Variants in POFUT3 observed in about 807,000 individuals in gnomAD.
POFUT3 encodes the protein protein O-fucosyltransferase 3.
chr8:33,315,722 G>C, the POFUT3 span, among the ~76,000 whole-genome samples: 4 of 152,088 alleles, frequency 2.6e-5, no homozygotes, highest in Non-Finnish European at 5.9e-5. Flanking sequence ...CATGCTCTGA[G>C]ATTCTATGAG....
chr8:33,435,518 CT>C, the POFUT3 span, among the ~76,000 whole-genome samples: 6 of 145,396 alleles, frequency 4.1e-5, no homozygotes, highest in Non-Finnish European at 9.1e-5. Context: ...GCCCAGGCAA[CT>C]TTTTTTTCTT....
At chr8:33,430,260 A>C in the POFUT3 span, among the ~76,000 whole-genome samples, 1 of 152,176 alleles carries the variant, frequency 6.6e-6, no homozygotes, top group Non-Finnish European at 1.5e-5. Context: ...TGGTTGCCCC[A>C]AAAATCAAAA....
chr8:33,329,566 A>G, the POFUT3 span, among the ~76,000 whole-genome samples: 1 of 152,250 alleles, frequency 6.6e-6, no homozygotes, highest in African/African-American at 2.4e-5. Flanking sequence ...AGGGAAAGTT[A>G]GACTGATTTC....
chr8:33,333,695 GA>G, the POFUT3 span, among the ~76,000 whole-genome samples: 1 of 152,102 alleles, frequency 6.6e-6, no homozygotes, highest in Non-Finnish European at 1.5e-5. Context: ...GGAGGAGAGG[GA>G]TGCCAAGAAG....
the POFUT3 span, among the ~76,000 whole-genome samples, chr8:33,308,272 C>A: frequency 6.6e-6 from 1 of 152,022 alleles, no homozygotes; most frequent in African/African-American, 2.4e-5. Flanking sequence ...AGCTACCAAG[C>A]CAACAAAGGA....
the POFUT3 span, among the ~76,000 whole-genome samples, chr8:33,362,055 C>T: frequency 2.0e-5 from 3 of 152,296 alleles, no homozygotes; most frequent in South Asian, 4.1e-4. Flanking sequence ...GCCCATCAGA[C>T]TAACAGCAGA....
chr8:33,379,963 TAC>T, the POFUT3 span, among the ~76,000 whole-genome samples: 1 of 107,318 alleles, frequency 9.3e-6, no homozygotes, highest in African/African-American at 4.0e-5. Context: ...ATACTATATA[TAC>T]ACTATATATA....
chr8:33,419,541 G>A, the POFUT3 span, among the ~76,000 whole-genome samples: 17 of 152,296 alleles, frequency 1.1e-4, no homozygotes, highest in Non-Finnish European at 2.4e-4. Context: ...CCCGCCACTC[G>A]CCTCCTGCTG....
the POFUT3 span, among the ~76,000 whole-genome samples, chr8:33,331,199 G>A: frequency 2.2e-4 from 17 of 78,956 alleles, no homozygotes; most frequent in Non-Finnish European, 3.9e-4. Context: ...AAAATTAACC[G>A]GGCGCGCGCC....
the POFUT3 span, among the ~76,000 whole-genome samples, chr8:33,400,154 TG>T: frequency 2.2e-5 from 2 of 89,528 alleles, no homozygotes; most frequent in African/African-American, 4.1e-5. Context: ...AAAAAGATGG[TG>T]GGGGGGTGGG....
At chr8:33,360,894 G>C in the POFUT3 span, 1 of 152,184 alleles carries the variant, frequency 6.6e-6, no homozygotes, top group African/African-American at 2.4e-5. Context: ...AGTGATGGAA[G>C]TGGTTCATCA....
chr8:33,431,723 T>C, the POFUT3 span, among the ~76,000 whole-genome samples: 3 of 152,112 alleles, frequency 2.0e-5, no homozygotes, highest in Non-Finnish European at 4.4e-5. Flanking sequence ...TGATTATATA[T>C]TCCCAAAGGC....
At chr8:33,392,066 T>C in the POFUT3 span, among the ~76,000 whole-genome samples, 1 of 152,110 alleles carries the variant, frequency 6.6e-6, no homozygotes, top group Admixed American at 6.6e-5. Context: ...TAGTGGGAGA[T>C]GCTTATTAAT....
At chr8:33,462,780 A>G in the POFUT3 span, among the ~76,000 whole-genome samples, 1 of 152,034 alleles carries the variant, frequency 6.6e-6, no homozygotes. Flanking sequence ...AAATTTTACA[A>G]ATTAGCTGGG....
At chr8:33,324,769 G>A in the POFUT3 span, among the ~76,000 whole-genome samples, 7 of 143,352 alleles carry the variant, frequency 4.9e-5, no homozygotes, top group South Asian at 2.2e-4. Context: ...CAGCACCATC[G>A]CCTATGTAAT....
the POFUT3 span, among the ~76,000 whole-genome samples, chr8:33,370,169 TAAAAAAAAAAAAAAAAAAA>T: frequency 4.8e-4 from 19 of 39,896 alleles, no homozygotes; most frequent in East Asian, 1.9e-3. Flanking sequence ...CCATCTTTAC[TAAAAAAAAAAAAAAAAAAA>T]AAAAAAAAAA....
chr8:33,353,574 G>A, the POFUT3 span, among the ~76,000 whole-genome samples: 1 of 152,214 alleles, frequency 6.6e-6, no homozygotes, highest in African/African-American at 2.4e-5. Context: ...CTTCATGAAT[G>A]ACCCCTTAAG....
the POFUT3 span, among the ~76,000 whole-genome samples, chr8:33,418,486 A>G: frequency 6.7e-6 from 1 of 148,634 alleles, no homozygotes; most frequent in Non-Finnish European, 1.5e-5. Context: ...TATTTTTAGT[A>G]GAGACAGGGT....
At chr8:33,441,554 T>C in the POFUT3 span, among the ~76,000 whole-genome samples, 4 of 151,784 alleles carry the variant, frequency 2.6e-5, no homozygotes, top group Non-Finnish European at 4.4e-5. Flanking sequence ...CTAATTTTTG[T>C]ATTTTTTGTA....
Sources: allele counts gnomAD v4.1 joint callset (sites outside exome capture counted in the v4.1 genomes callset), GRCh38; gene constraint gnomAD v4.1.1; transcripts MANE v1.5; gene names NCBI Gene and HGNC (gene_info 2026-07-23, HGNC 2026-07-21).